CBFA2T3: variants seen among roughly 807,000 people sequenced by gnomAD.
CBFA2T3 encodes transcriptional corepressor CBFA2T3.
CBFA2T3 carries 31 observed loss-of-function variants against 58.6 expected under a neutral mutation model. That is an observed-to-expected ratio of 0.53 (90% CI 0.40 to 0.71). CBFA2T3 has a LOEUF of 0.71. Ranked by LOEUF, CBFA2T3 falls within the 30% of genes least tolerant of loss-of-function variation. The pLI is 0.00. For missense variants in CBFA2T3, 1,076 were observed against 963.1 expected, an observed-to-expected ratio of 1.12 and a Z score of -1.55; for synonymous variants, 531 against 421.9, an observed-to-expected ratio of 1.26 and a Z score of -3.17.
intron 1 of CBFA2T3, among the ~76,000 whole-genome samples, chr16:88,971,389 C>T (rs1972652477): frequency 6.6e-6 from 1 of 152,212 alleles, no homozygotes; most frequent in Admixed American, 6.5e-5. Flanking sequence ...GGATTACAGG[C>T]ATGAGTCACG....
intron 9 of CBFA2T3, 24 bp from the exon 10 acceptor site, chr16:88,880,812 C>G: frequency 6.4e-7 from 1 of 1,564,318 alleles, no homozygotes; most frequent in Non-Finnish European, 8.7e-7. Context: ...CGGCGTCACA[C>G]AGGATGGGCC....
Position 88,947,870 on chromosome 16 carries a change from C to T in CBFA2T3, c.151+28787G>A, listed in dbSNP as rs77667668. 9.9e-3 allele frequency among the ~76,000 whole-genome samples: 1,508 copies of T among 152,254 alleles called. 34 individuals carry two copies. Among genetic ancestry groups the T allele is most frequent in the African/African-American group, 0.035 (1,435 of 41,522 alleles). ...TTAAGGCTGCAGGGAGCTATGATCA[C>T]GCTACTGCACTCTAGCCTGGGTGAT... On this transcript the variant is annotated intron_variant, in intron 1 of 11. Transcript: ENST00000268679.
chr16:88,881,281 C>CCA lies in CBFA2T3; in HGVS notation c.1402+8_1402+9dup, dbSNP rs1567573785. On this transcript the variant is annotated intron_variant, in intron 9 of 11. Transcript: ENST00000268679. ...CGTGTCTGCTCCCTCCCCCCACACC[C>CCA]CACACGCACCTAGCTGAGGCCCTTC... The CCA allele has an allele frequency of 6.3e-7, 1 of 1,594,640 alleles. No homozygotes were observed. Among genetic ancestry groups the CCA allele is most frequent in the Non-Finnish European group, 8.5e-7 (1 of 1,172,260 alleles).
chr16:88,973,780 G>A (rs1414900393), intron 1 of CBFA2T3, among the ~76,000 whole-genome samples: 1 of 152,200 alleles, frequency 6.6e-6, no homozygotes, highest in Non-Finnish European at 1.5e-5. Context: ...GCTGACCGCA[G>A]GCTCTGGACG....
chr16:88,901,233 G>C (rs1970085997), intron 2 of CBFA2T3, among the ~76,000 whole-genome samples: 1 of 152,230 alleles, frequency 6.6e-6, no homozygotes, highest in African/African-American at 2.4e-5. Flanking sequence ...GGACTCACCT[G>C]GCCCCACCAC....
intron 1 of CBFA2T3, among the ~76,000 whole-genome samples, chr16:88,921,040 G>A (rs1031917126): frequency 9.9e-5 from 15 of 152,244 alleles, no homozygotes; most frequent in Admixed American, 6.5e-4. Context: ...TTTCCTCTTG[G>A]CGGAACCTCC....
At chr16:88,917,870 G>GCA (rs1970789801) in intron 1 of CBFA2T3, among the ~76,000 whole-genome samples, 2 of 150,264 alleles carry the variant, frequency 1.3e-5, no homozygotes, top group African/African-American at 4.8e-5. Context: ...GCGGAGGAGA[G>GCA]CGTGGGTGCG....
intron 1 of CBFA2T3, among the ~76,000 whole-genome samples, chr16:88,910,834 C>A (rs950115998): frequency 1.3e-5 from 2 of 152,128 alleles, no homozygotes; most frequent in African/African-American, 4.8e-5. Context: ...CAGTGGGTGT[C>A]CCCCCAAATC....
rs544053793 is a variant in CBFA2T3 at position 88,914,903 on chromosome 16, C to T, written c.152-13247G>A. Among the ~76,000 whole-genome samples the T allele has an allele frequency of 4.4e-3, 669 of 152,104 alleles. 5 individuals are homozygous for T. The highest frequency in any genetic ancestry group is 0.015 in the African/African-American group (642 of 41,526). The stretch of plus-strand genomic sequence containing the variant: ...ATTCCTTGCCCAGCTGCTAGAGCTG[C>T]GCTGCCAACAGCAACTCCCTGAGCG... On this transcript the variant is annotated intron_variant, in intron 1 of 11. Coordinates refer to ENST00000268679, the MANE Select transcript of CBFA2T3 (RefSeq NM_005187.6).
Position 88,958,163 on chromosome 16 carries a change from G to T in CBFA2T3, c.151+18494C>A, listed in dbSNP as rs1247519483. 2.6e-5 allele frequency among the ~76,000 whole-genome samples: 4 copies of T among 152,232 alleles called. No homozygotes were observed. The East Asian group carries it at 7.7e-4, about 29-fold the overall frequency. On this transcript the variant is annotated intron_variant, in intron 1 of 11. Transcript: ENST00000268679. This position sits in a 1 kb window ranked among gnomAD's most constrained non-coding sequence, Gnocchi z 4.0. ...GTGCACACCCACGAGGCCGTAGGAA[G>T]CCTGGTCAGGCTGTCGGGGCCTCAG...
At chr16:88,879,244 G>C (rs528871784) in intron 11 of CBFA2T3, 26 bp downstream of exon 11, 6 of 1,566,840 alleles carry the variant, frequency 3.8e-6, no homozygotes, top group Non-Finnish European at 5.2e-6. Context: ...CAGGGGATGG[G>C]TGTCAGCGTG....
At position 88,891,869 on chromosome 16, in the gene CBFA2T3, G is replaced by A; in HGVS notation, c.711+13C>T. On this transcript the variant is annotated intron_variant, in intron 5 of 11. Coordinates refer to ENST00000268679, the MANE Select transcript of CBFA2T3 (RefSeq NM_005187.6). ...GGAGGCTCCCGCAGCACGGGGGACGGGTTTCGCATTACCTTCAGGAAGGGA... is the reference window on the plus strand; with the variant it reads ...GGAGGCTCCCGCAGCACGGGGGACGAGTTTCGCATTACCTTCAGGAAGGGA... The A allele has an allele frequency of 6.3e-7, 1 of 1,593,976 alleles. No individual in the cohort carries two copies. Among genetic ancestry groups the A allele is most frequent in the Non-Finnish European group, 8.6e-7 (1 of 1,163,380 alleles).
At chr16:88,908,843 G>A (rs886633219) in intron 1 of CBFA2T3, among the ~76,000 whole-genome samples, 24 of 152,244 alleles carry the variant, frequency 1.6e-4, no homozygotes, top group Admixed American at 1.3e-3. Flanking sequence ...ACATAGCCAC[G>A]GTGATGACGT....
chr16:88,898,081 G>A lies in CBFA2T3; in HGVS notation c.376C>T (p.Leu126Phe), dbSNP rs771177563. 4.4e-6 allele frequency: 7 copies of A among 1,607,774 alleles called. No individual in the cohort carries two copies. The South Asian group carries it at 7.7e-5, about 18-fold the overall frequency. The change falls in exon 3 of 12, where the codon CTC becomes TTC. Residue 126 changes from leucine to phenylalanine, a missense_variant. Leu to Phe is a conservative substitution (Grantham distance 22). Coordinates refer to ENST00000268679, the MANE Select transcript of CBFA2T3 (RefSeq NM_005187.6). ...CGGTTTTTGTTATTTTACTTACAGA[G>A]ACAGACCATAGACCATTTTAAGCAG... ...HGCLKWSMVC[L>F]LMNGSSHSPT...
rs571123184 is a variant in CBFA2T3 at position 88,903,153 on chromosome 16, C to T, written c.152-1497G>A. ...TCAGACGGAGAGATCCACCCAGGGC[C>T]ACGGCCACGCGGACTCTGTGGAAGG... On this transcript the variant is annotated intron_variant, in intron 1 of 11. Transcript: ENST00000268679. Among the ~76,000 whole-genome samples, 72 of 152,350 alleles carry T rather than the reference C, an allele frequency of 4.7e-4. 1 individual carries two copies. Among genetic ancestry groups the T allele is most frequent in the African/African-American group, 1.7e-3 (70 of 41,582 alleles).
At chr16:88,902,920 C>T (rs1409446572) in intron 1 of CBFA2T3, among the ~76,000 whole-genome samples, 2 of 151,658 alleles carry the variant, frequency 1.3e-5, no homozygotes, top group Non-Finnish European at 2.9e-5. Context: ...ACGACTGCCC[C>T]GCACCCTCCT....
At chr16:88,880,894 G>C (rs1969041909) in intron 9 of CBFA2T3, 106 bp from the exon 10 acceptor site, 3 of 1,076,162 alleles carry the variant, frequency 2.8e-6, no homozygotes, top group African/African-American at 1.6e-5. Flanking sequence ...GTGAGTGTGT[G>C]CGTCCCTGGG....
At chr16:88,975,073 C>G (rs1429273118) in intron 1 of CBFA2T3, among the ~76,000 whole-genome samples, 1 of 151,806 alleles carries the variant, frequency 6.6e-6, no homozygotes, top group Non-Finnish European at 1.5e-5. Flanking sequence ...CAGGGGCTCC[C>G]TGGGGGTGGG....
intron 2 of CBFA2T3, among the ~76,000 whole-genome samples, chr16:88,899,828 A>G (rs1236438785): frequency 6.6e-6 from 1 of 151,836 alleles, no homozygotes; most frequent in Non-Finnish European, 1.5e-5. Context: ...GTCCGTCCTG[A>G]GCGTTTCCTC....
Sources: gnomAD v4.1 joint callset for allele counts (sites outside exome capture counted in the v4.1 genomes callset) on GRCh38, gnomAD v4.1.1 for gene constraint, Gnocchi (gnomAD v3.1) non-coding constraint, MANE v1.5 for transcripts, NCBI Gene and HGNC (gene_info 2026-07-23, HGNC 2026-07-21) for gene names.